The following DIAPH2 variants were observed in gnomAD, a reference collection of about 807,000 sequenced individuals.
DIAPH2 encodes protein diaphanous homolog 2.
Under a neutral mutation model 92.7 loss-of-function variants are expected in DIAPH2, and 35 were observed. That is an observed-to-expected ratio of 0.38 (90% CI 0.29 to 0.50). The LOEUF (loss-of-function observed/expected upper bound fraction) is 0.50, where lower values mean the gene tolerates loss of function less well. DIAPH2 is among the 20% of genes least tolerant of loss of function. The pLI is 0.94. For missense variants in DIAPH2, 701 were observed against 819.5 expected (o/e 0.86, Z 1.77); for synonymous variants, 301 against 280.4 (o/e 1.07, Z -0.73).
chrX:97,009,650 G>A (rs1422943837), intron 17 of DIAPH2, among the ~76,000 whole-genome samples: 3 of 112,146 alleles, frequency 2.7e-5, no homozygotes, highest in Non-Finnish European at 5.6e-5. Flanking sequence ...AGCAGGTGAT[G>A]AATCCTGCCA....
chrX:97,585,023 C>G (rs774058848), intron 26 of DIAPH2, among the ~76,000 whole-genome samples: 1 of 112,047 alleles, frequency 8.9e-6, no homozygotes, highest in East Asian at 2.8e-4. Context: ...TTCAAATTAT[C>G]ATGAAACCTT....
At chrX:97,482,630 T>C (rs1479245740) in intron 26 of DIAPH2, among the ~76,000 whole-genome samples, 1 of 82,866 alleles carries the variant, frequency 1.2e-5, no homozygotes, top group African/African-American at 4.7e-5. Flanking sequence ...TTGAGAGAGA[T>C]ATAAAAGGAA....
chrX:96,864,105 A>G (rs958389214), intron 4 of DIAPH2, among the ~76,000 whole-genome samples: 2 of 111,184 alleles, frequency 1.8e-5, no homozygotes, highest in African/African-American at 6.5e-5. Flanking sequence ...TTTTAAATAG[A>G]TAAAGCTTAC....
chrX:96,961,682 C>G (rs2065849824), intron 16 of DIAPH2, among the ~76,000 whole-genome samples: 1 of 109,704 alleles, frequency 9.1e-6, no homozygotes, highest in South Asian at 3.9e-4. Flanking sequence ...GAACATCCCT[C>G]TTAGCATTGC....
intron 22 of DIAPH2, among the ~76,000 whole-genome samples, chrX:97,204,718 A>G (rs1413180068): frequency 8.9e-6 from 1 of 112,116 alleles, no homozygotes; most frequent in Non-Finnish European, 1.9e-5. Context: ...GATAGGAAGA[A>G]TCAATATTGT....
chrX:97,071,524 C>T (rs1049323744), intron 17 of DIAPH2, among the ~76,000 whole-genome samples: 4 of 111,363 alleles, frequency 3.6e-5, no homozygotes, highest in Non-Finnish European at 5.7e-5. Context: ...CCTTAGACTG[C>T]ACATAACTTT....
At chrX:96,726,835 A>G (rs753571802) in intron 1 of DIAPH2, among the ~76,000 whole-genome samples, 2 of 112,409 alleles carry the variant, frequency 1.8e-5, no homozygotes, top group South Asian at 7.3e-4. Context: ...GATTTAAACA[A>G]GGCAATGCCT....
chrX:97,385,271 C>T (rs1043878194), intron 25 of DIAPH2, among the ~76,000 whole-genome samples: 12 of 110,959 alleles, frequency 1.1e-4, no homozygotes, highest in South Asian at 7.7e-4. Flanking sequence ...CTAGCTCTGT[C>T]GCCCAAGCTG....
intron 23 of DIAPH2, among the ~76,000 whole-genome samples, chrX:97,330,661 C>T (rs1490666351): frequency 6.4e-5 from 7 of 109,450 alleles, no homozygotes; most frequent in African/African-American, 2.0e-4. Context: ...TACAGGCGCC[C>T]GCCACCACGC....
intron 17 of DIAPH2, among the ~76,000 whole-genome samples, chrX:96,990,262 C>T (rs1173110379): frequency 1.8e-5 from 2 of 112,345 alleles, no homozygotes; most frequent in Non-Finnish European, 3.8e-5. Flanking sequence ...GGGCATAGTA[C>T]TAAAGATTGA....
intron 23 of DIAPH2, among the ~76,000 whole-genome samples, chrX:97,320,108 A>AATAT (rs1556025448): frequency 1.0e-4 from 11 of 104,986 alleles, no homozygotes; most frequent in African/African-American, 3.8e-4. Flanking sequence ...TCAAAAAAAA[A>AATAT]ATATATATAT....
At chrX:97,404,211 C>G (rs2069786613) in intron 25 of DIAPH2, among the ~76,000 whole-genome samples, 1 of 111,860 alleles carries the variant, frequency 8.9e-6, no homozygotes, top group African/African-American at 3.2e-5. Flanking sequence ...ACTTGTATTC[C>G]TGGCAAGTTC....
At chrX:97,099,360 G>A (rs373039391) in intron 19 of DIAPH2, among the ~76,000 whole-genome samples, 1 of 108,777 alleles carries the variant, frequency 9.2e-6, no homozygotes, top group East Asian at 2.9e-4. Flanking sequence ...AGCGAGACTC[G>A]TCTCCAAAAA....
chrX:97,116,894 A>G (rs1248743748), intron 21 of DIAPH2, among the ~76,000 whole-genome samples: 1 of 111,792 alleles, frequency 8.9e-6, no homozygotes, highest in Non-Finnish European at 1.9e-5. Flanking sequence ...TATATTTTGG[A>G]GAGAGGCTTC....
chrX:97,007,745 G>A (rs1395918274), intron 17 of DIAPH2, among the ~76,000 whole-genome samples: 1 of 105,271 alleles, frequency 9.5e-6, no homozygotes, highest in African/African-American at 3.5e-5. Flanking sequence ...ACCTTTTAAG[G>A]CTGTTTTCTT....
chrX:97,207,260 A>G (rs2067804884), intron 22 of DIAPH2, among the ~76,000 whole-genome samples: 1 of 112,265 alleles, frequency 8.9e-6, no homozygotes, highest in Admixed American at 9.5e-5. Context: ...CTTTAATGCC[A>G]TGTAACAATG....
chrX:97,509,026 T>C (rs1428230484), intron 26 of DIAPH2, among the ~76,000 whole-genome samples: 2 of 96,614 alleles, frequency 2.1e-5, no homozygotes, highest in Admixed American at 1.1e-4. Context: ...TTTATTTATT[T>C]ATTTATTTAT....
chrX:97,453,296 T>C (rs972144081), intron 26 of DIAPH2, among the ~76,000 whole-genome samples: 3 of 110,742 alleles, frequency 2.7e-5, no homozygotes, highest in African/African-American at 9.8e-5. Flanking sequence ...TGAATTTGTT[T>C]CTTTTTTTTT....
intron 5 of DIAPH2, among the ~76,000 whole-genome samples, chrX:96,910,514 G>A (rs2147778501): frequency 9.0e-6 from 1 of 111,495 alleles, no homozygotes; most frequent in Non-Finnish European, 1.9e-5. Context: ...AGGTAGCTAT[G>A]AAATGGATAA....
Sources: gnomAD v4.1 joint callset for allele counts (sites outside exome capture counted in the v4.1 genomes callset) on GRCh38, gnomAD v4.1.1 for gene constraint, MANE v1.5 for transcripts, NCBI Gene and HGNC (gene_info 2026-07-23, HGNC 2026-07-21) for gene names.